Variants in PLCB2 observed in about 807,000 individuals in gnomAD.
PLCB2 encodes 1-phosphatidylinositol 4,5-bisphosphate phosphodiesterase beta-2.
Under a neutral mutation model 141.7 loss-of-function variants are expected in PLCB2, and 115 were observed. That is an observed-to-expected ratio of 0.81 (90% CI 0.70 to 0.95). The LOEUF (loss-of-function observed/expected upper bound fraction) is 0.95, where lower values mean the gene tolerates loss of function less well. Ranked by LOEUF, PLCB2 falls within the 40% of genes least tolerant of loss-of-function variation. The pLI is 0.00. For missense variants in PLCB2, 1,403 were observed against 1,541.1 expected (o/e 0.91, Z 1.50); for synonymous variants, 603 against 595.6 (o/e 1.01, Z -0.18).
Position 40,291,080 on chromosome 15 carries a change from G to GCAGCTC in PLCB2, c.2968_2973dup (p.Glu990_Leu991dup), listed in dbSNP as rs2039878229. ...TCGTACTGCTCCTCGCCCTGCCGCA[G>GCAGCTC]CAGCTCCAGCTCCAGCCTGTCTTTC... On this transcript the variant is annotated inframe_insertion, in exon 27 of 32. Coordinates refer to ENST00000260402, the MANE Select transcript of PLCB2 (RefSeq NM_004573.3). 1 of 1,589,912 alleles carries GCAGCTC rather than the reference G, an allele frequency of 6.3e-7. No homozygotes were observed. Among genetic ancestry groups the GCAGCTC allele is most frequent in the Non-Finnish European group, 8.5e-7 (1 of 1,175,896 alleles).
chr15:40,290,736 A>G, intron 28 of PLCB2, 25 bp downstream of exon 28: 1 of 1,612,604 alleles, frequency 6.2e-7, no homozygotes, highest in Non-Finnish European at 8.5e-7. Flanking sequence ...GAGGCGAAGC[A>G]GGTGTGGGAG....
rs1002429298 is a variant in PLCB2, at chr15:40,291,414, C to T, written c.2721G>A (p.Lys907=). 1.3e-6 allele frequency: 2 copies of T among 1,537,760 alleles called. No individual in the cohort carries two copies. Among genetic ancestry groups the T allele is most frequent in the African/African-American group, 2.7e-5 (2 of 73,122 alleles). The part of the protein sequence containing the change: ...GVVKLQRRHE[K]ELRELERRGA... ...CGCGCCGCTCCAACTCTCGCAGCTC[C>T]TTCTCGTGCCGCCGCTGCAGCTTCA... Residue 907 remains lysine, a synonymous_variant, in exon 26 of 32, where the codon AAG becomes AAA. Transcript: ENST00000260402.
chr15:40,294,248 T>C lies in PLCB2; in HGVS notation c.2061+18A>G. 6.2e-7 allele frequency: 1 copy of C among 1,612,258 alleles called. No individual in the cohort carries two copies. Among genetic ancestry groups the C allele is most frequent in the Non-Finnish European group, 8.5e-7 (1 of 1,179,508 alleles). The stretch of plus-strand genomic sequence containing the variant: ...AAGACCTCAGCCTCCCGGCCACTTG[T>C]GTGCCCCAGGGCCTTGCCGTAATGG... On this transcript the variant is annotated intron_variant, in intron 19 of 31. Coordinates refer to ENST00000260402, the MANE Select transcript of PLCB2 (RefSeq NM_004573.3).
At chr15:40,303,148 G>T in intron 3 of PLCB2, 140 bp downstream of exon 3, 1 of 689,550 alleles carries the variant, frequency 1.5e-6, no homozygotes, top group Non-Finnish European at 2.6e-6. Context: ...TTGGCTTCCA[G>T]CCACGGTCCT....
At position 40,291,022 on chromosome 15, in the gene PLCB2, G is replaced by A. The variant is rs140547653; in HGVS notation, c.3032C>T (p.Ala1011Val). ...CGCCCTGCCCCTCCCGGCCACCTCG[G>A]CCACGTGCTGCTCCTTGCGCTTCAG... ...CVLKRKEQHV[A>V]EQISKMMELA... The change falls in exon 27 of 32, where the codon GCC becomes GTC. Residue 1011 changes from alanine (A) to valine (V), a missense_variant. This residue lies in a region of PLCB2 where 290 missense variants were observed against 245.9 expected (regional missense o/e 1.18). Coordinates refer to ENST00000260402, the MANE Select transcript of PLCB2 (RefSeq NM_004573.3). 3 of 1,592,146 alleles carry A rather than the reference G, an allele frequency of 1.9e-6. No homozygotes were observed.
Position 40,294,282 on chromosome 15 carries a change from G to T in PLCB2, c.2045C>A (p.Thr682Asn), listed in dbSNP as rs761760844. The change falls in exon 19 of 32, where the codon ACC becomes AAC. Residue 682 changes from threonine to asparagine, a missense_variant. Physicochemically the swap from Thr to Asn is moderately conservative, Grantham distance 65. This residue lies in a region of PLCB2 where 975 missense variants were observed against 1,141.1 expected (regional missense o/e 0.85). Coordinates refer to ENST00000260402, the MANE Select transcript of PLCB2 (RefSeq NM_004573.3). ...GGGCCTTGCCGTAATGGAAAGGGTG[G>T]TGGCCACCACCACGTCGATGCGGTC... ...SVDRIDVVVA[T>N]TLSITVISGQ... 7 of 1,613,828 alleles carry T rather than the reference G, an allele frequency of 4.3e-6. No individual in the cohort carries two copies. In the East Asian group the frequency reaches 1.6e-4, roughly 36 times the overall value.
Position 40,289,323 on chromosome 15 carries a change from C to T in PLCB2, c.3303G>A (p.Leu1101=), listed in dbSNP as rs370620251. The T allele has an allele frequency of 6.8e-6, 11 of 1,613,994 alleles. No individual in the cohort carries two copies. The African/African-American group carries it at 1.3e-4, about 20-fold the overall frequency. The change falls in exon 31 of 32, where the codon CTG becomes CTA. Residue 1101 remains leucine (L), a synonymous_variant. Transcript: ENST00000260402. The part of the protein sequence containing the change: ...TENLERHQEK[L]EEKQAACLEQ... The stretch of plus-strand genomic sequence containing the variant: ...CCAGGCAAGCCGCCTGCTTCTCCTC[C>T]AGCTTCTCCTGGTGCCTCTCCAAGT...
chr15:40,306,799 G>A (rs1397296610), intron 1 of PLCB2, among the ~76,000 whole-genome samples: 1 of 152,146 alleles, frequency 6.6e-6, no homozygotes, highest in Non-Finnish European at 1.5e-5. Flanking sequence ...CAGACTGGGC[G>A]AGCCCAGCAG....
chr15:40,301,329 T>C (rs552215569), intron 7 of PLCB2: 85 of 556,064 alleles, frequency 1.5e-4, no homozygotes, highest in African/African-American at 1.4e-3. Flanking sequence ...ATTCGCTCCA[T>C]TGGCCAGGCT....
At chr15:40,298,202 C>T (rs746311739) in intron 11 of PLCB2, 21 bp downstream of exon 11, 3 of 1,536,178 alleles carry the variant, frequency 2.0e-6, no homozygotes, top group Admixed American at 2.0e-5. Context: ...CGGCCACCAG[C>T]CTCTGTGCCC....
rs1180156067 is a variant in PLCB2 at position 40,298,210 on chromosome 15, C to T, written c.1155+13G>A. The T allele has an allele frequency of 6.5e-7, 1 of 1,543,286 alleles. No homozygotes were observed. The highest frequency in any genetic ancestry group is 1.4e-5 in the African/African-American group (1 of 72,850). On this transcript the variant is annotated intron_variant, in intron 11 of 31. Transcript: ENST00000260402. The stretch of plus-strand genomic sequence containing the variant: ...ACTGCCACGGCCACCAGCCTCTGTG[C>T]CCAGGGTCTCACTTTGAAGAAGATG...
rs1210282868 is a variant in PLCB2, at chr15:40,297,419, C to A, written c.1323+102G>T. On this transcript the variant is annotated intron_variant, in intron 13 of 31. Coordinates refer to ENST00000260402, the MANE Select transcript of PLCB2 (RefSeq NM_004573.3). The surrounding 1 kb of genome is among the most constrained non-coding windows in gnomAD (Gnocchi z 4.2). ...CCAGACCCGCATCTAACCAAGTGAA[C>A]CCTAGCATCCTCTGGGAGTGTCTCC... 4.5e-6 allele frequency: 4 copies of A among 884,116 alleles called. No individual in the cohort carries two copies. Among genetic ancestry groups the A allele is most frequent in the Non-Finnish European group, 7.6e-6 (4 of 526,076 alleles). The allele number at this position is 884,116 out of a possible 1,614,324, so 54.8% of individuals were successfully genotyped here.
In PLCB2 at chr15:40,301,878, C is replaced by A. The variant is rs114269097; in HGVS notation, c.582+79G>T. ...GGCTGTGATGTCACCTCTGCTCCCC[C>A]ACCCACCATTCCTGGCCAAGTTGCT... On this transcript the variant is annotated intron_variant, in intron 7 of 31. Coordinates refer to ENST00000260402, the MANE Select transcript of PLCB2 (RefSeq NM_004573.3). 1,836 of 1,272,008 alleles carry A rather than the reference C, an allele frequency of 1.4e-3. 25 individuals carry two copies. In the African/African-American group the frequency reaches 0.025, roughly 17 times the overall value. The allele number at this position is 1,272,008 out of a possible 1,614,324, so 78.8% of individuals were successfully genotyped here. A position where few individuals can be genotyped will look rare whatever the true frequency, so the allele number is the denominator to read the frequency against.
chr15:40,299,493 A>C (rs1269752355), intron 7 of PLCB2, among the ~76,000 whole-genome samples: 1 of 152,216 alleles, frequency 6.6e-6, no homozygotes, highest in African/African-American at 2.4e-5. Context: ...AACCAGAATG[A>C]GGTAGAAAAG....
intron 7 of PLCB2, chr15:40,301,359 A>G (rs922368248): frequency 1.7e-6 from 1 of 589,134 alleles, no homozygotes; most frequent in Non-Finnish European, 3.0e-6. Context: ...GCTCAGGGCC[A>G]TATCAGCCCA....
Position 40,295,294 on chromosome 15 carries a change from G to C in PLCB2, c.1697-9C>G. ...ATAACTTCGGTTCTTTTCTATATAG[G>C]GGAGAAAGGGAGGGGAGGAGTTTTA... is the stretch of plus-strand genomic sequence containing the variant. On this transcript the variant is annotated splice_polypyrimidine_tract_variant and intron_variant, in intron 16 of 31. Coordinates refer to ENST00000260402, the MANE Select transcript of PLCB2 (RefSeq NM_004573.3). The C allele has an allele frequency of 6.3e-7, 1 of 1,591,880 alleles. No individual in the cohort carries two copies. Among genetic ancestry groups the C allele is most frequent in the South Asian group, 1.1e-5 (1 of 90,634 alleles).
At position 40,291,488 on chromosome 15, in the gene PLCB2, C is replaced by G. The variant is rs1265582939; in HGVS notation, c.2648-1G>C. ...TCCTCCAGGCTGGCGGTCCGCGGCT[C>G]TGCGGAGGCCCGGGTGAGGCGCAAC... On this transcript the variant is annotated splice_acceptor_variant, in intron 25 of 31. Coordinates refer to ENST00000260402, the MANE Select transcript of PLCB2 (RefSeq NM_004573.3). LOFTEE classifies it high-confidence loss of function. 1.9e-6 allele frequency: 3 copies of G among 1,584,778 alleles called. No homozygotes were observed. Among genetic ancestry groups the G allele is most frequent in the Non-Finnish European group, 2.6e-6 (3 of 1,170,098 alleles).
At chr15:40,294,039 C>G (rs1362060621) in intron 19 of PLCB2, among the ~76,000 whole-genome samples, 1 of 152,218 alleles carries the variant, frequency 6.6e-6, no homozygotes, top group Non-Finnish European at 1.5e-5. Flanking sequence ...TCCCCTCCCC[C>G]ACCCCAGCCT....
At chr15:40,303,094 A>G (rs2040604297) in intron 3 of PLCB2, among the ~76,000 whole-genome samples, 194 bp downstream of exon 3, 1 of 152,148 alleles carries the variant, frequency 6.6e-6, no homozygotes, top group African/African-American at 2.4e-5. Context: ...CGCAGTTCTG[A>G]AGCTCAGAGC....
Sources: allele counts gnomAD v4.1 joint callset (sites outside exome capture counted in the v4.1 genomes callset), GRCh38; gene constraint gnomAD v4.1.1; regional missense constraint gnomAD v4.1.1; non-coding constraint Gnocchi (gnomAD v3.1); transcripts MANE v1.5; gene names NCBI Gene and HGNC (gene_info 2026-07-23, HGNC 2026-07-21).